The following AIDA variants were observed in gnomAD, a reference collection of about 807,000 sequenced individuals.
The protein encoded by AIDA is axin interactor, dorsalization associated, also known as axin interactor, dorsalization-associated protein.
Under a neutral mutation model 42.7 loss-of-function variants are expected in AIDA, and 18 were observed. The observed-to-expected ratio is 0.42, with a 90% CI of 0.29 to 0.63. The LOEUF (loss-of-function observed/expected upper bound fraction) is 0.63, where lower values mean the gene tolerates loss of function less well. Among genes scored for constraint, AIDA ranks in the 20% least tolerant of loss-of-function variants. AIDA has a pLI of 0.19. For synonymous variants in AIDA, 104 were observed against 122.9 expected, an observed-to-expected ratio of 0.85 and a Z score of 1.02; for missense variants, 250 against 354.1, an observed-to-expected ratio of 0.71 and a Z score of 2.36.
intron 2 of AIDA, 45 bp downstream of exon 2, chr1:222,703,103 C>T: frequency 6.7e-7 from 1 of 1,485,358 alleles, no homozygotes; most frequent in African/African-American, 1.4e-5. Flanking sequence ...AGACAAAACA[C>T]TTTTTGTTTG....
chr1:222,694,275 TA>T lies in AIDA; in HGVS notation c.181-13del. On this transcript the variant is annotated splice_polypyrimidine_tract_variant and intron_variant, in intron 2 of 9. Transcript: ENST00000340020. ...TTGCCTATGGTTTTCTGCAGGGGAA[TA>T]AAAAAAGCTATAAATACCAGAATTA... 12 of 1,605,742 alleles carry T rather than the reference TA, an allele frequency of 7.5e-6. No individual in the cohort carries two copies. The highest frequency in any genetic ancestry group is 1.7e-4 in the Middle Eastern group (1 of 6,044).
At chr1:222,694,574 T>C (rs539959033) in intron 2 of AIDA, among the ~76,000 whole-genome samples, 45 of 152,322 alleles carry the variant, frequency 3.0e-4, no homozygotes, top group Non-Finnish European at 6.0e-4. Context: ...AGCTTCACCT[T>C]TTCTTCTCCA....
chr1:222,704,692 G>C (rs983009627), intron 1 of AIDA, among the ~76,000 whole-genome samples: 1 of 152,054 alleles, frequency 6.6e-6, no homozygotes, highest in Non-Finnish European at 1.5e-5. Context: ...GGTTTCTTTC[G>C]GGAGTGATGG....
At position 222,668,073 on chromosome 1, in the gene AIDA, A is replaced by C. The variant is rs376601927; in HGVS notation, c.*1820T>G. 29 of 152,314 alleles carry C rather than the reference A, an allele frequency of 1.9e-4. No homozygotes were observed. In the East Asian group the frequency reaches 4.2e-3, roughly 22 times the overall value. The allele number at this position is 152,314 out of a possible 1,614,324, so 9.4% of individuals were successfully genotyped here. The stretch of plus-strand genomic sequence containing the variant: ...TTTGTAGTTCATATAAACTATACTT[A>C]TGTGAAGGATAGCAGATGCTTCATA... On this transcript the variant is annotated 3_prime_UTR_variant, in exon 10 of 10. Transcript: ENST00000340020.
intron 4 of AIDA, among the ~76,000 whole-genome samples, chr1:222,690,981 A>T (rs1029485296): frequency 4.6e-5 from 7 of 152,190 alleles, no homozygotes; most frequent in Non-Finnish European, 7.3e-5. Context: ...TCTCATCAGA[A>T]AAAGCAATAA....
At position 222,700,971 on chromosome 1, in the gene AIDA, T is replaced by TTGGGGGGG. The variant is rs1553295514; in HGVS notation, c.180+2176_180+2177insCCCCCCCA. The stretch of plus-strand genomic sequence containing the variant: ...GATAGACTCATTTCTTGATTTTTTT[T>TTGGGGGGG]GGGGGGGGGGGGACAGGGTCTCACT... On this transcript the variant is annotated intron_variant, in intron 2 of 9. Coordinates refer to ENST00000340020, the MANE Select transcript of AIDA (RefSeq NM_022831.4). Among the ~76,000 whole-genome samples the TTGGGGGGG allele has an allele frequency of 8.6e-5, 9 of 105,038 alleles. 3 individuals are homozygous for TTGGGGGGG. The highest frequency in any genetic ancestry group is 3.3e-4 in the African/African-American group (8 of 24,468). 68.9% of individuals were successfully genotyped at this position (105,038 alleles called of 152,430 possible).
chr1:222,699,182 C>A (rs553189481), intron 2 of AIDA, among the ~76,000 whole-genome samples: 40 of 151,892 alleles, frequency 2.6e-4, no homozygotes, highest in Admixed American at 9.2e-4. Flanking sequence ...AACTATTGAA[C>A]GGTTGGCATA....
intron 1 of AIDA, among the ~76,000 whole-genome samples, chr1:222,707,027 G>A (rs1319329995): frequency 6.6e-6 from 1 of 151,904 alleles, no homozygotes; most frequent in Non-Finnish European, 1.5e-5. Context: ...TGGGGGTGAT[G>A]GAAATTTTCT....
At chr1:222,707,376 T>G (rs943603860) in intron 1 of AIDA, among the ~76,000 whole-genome samples, 1 of 152,134 alleles carries the variant, frequency 6.6e-6, no homozygotes, top group African/African-American at 2.4e-5. Flanking sequence ...AAGGCTGGTC[T>G]TGAACTCCTG....
At chr1:222,687,119 C>CAAGATGCTGA in intron 5 of AIDA, 83 bp from the exon 6 acceptor site, 1 of 1,541,520 alleles carries the variant, frequency 6.5e-7, no homozygotes, top group Non-Finnish European at 8.8e-7. Flanking sequence ...GTTTCCCAGG[C>CAAGATGCTGA]AAGATGCTGA....
At chr1:222,688,464 C>T (rs2997814) in intron 4 of AIDA, among the ~76,000 whole-genome samples, 151,287 of 152,324 alleles carry the variant, frequency 0.99, 75,135 homozygotes, top group Middle Eastern at 1. Flanking sequence ...CATAAGATTA[C>T]AATGGAACTG....
chr1:222,694,108 C>T, intron 3 of AIDA, 102 bp downstream of exon 3: 1 of 1,111,510 alleles, frequency 9.0e-7, no homozygotes, highest in South Asian at 1.5e-5. Context: ...TTATAAAACA[C>T]TTCTGAGACA....
At chr1:222,674,159 A>G (rs928618877) in intron 7 of AIDA, among the ~76,000 whole-genome samples, 1 of 152,164 alleles carries the variant, frequency 6.6e-6, no homozygotes, top group African/African-American at 2.4e-5. Context: ...GCTTGCAGAA[A>G]GGTAAGAGGA....
chr1:222,711,824 T>C (rs1323222906), intron 1 of AIDA: 3 of 230,570 alleles, frequency 1.3e-5, no homozygotes, highest in Non-Finnish European at 2.6e-5. Flanking sequence ...TCAGAGAATT[T>C]CAAAAGGAAA....
chr1:222,674,874 T>C (rs1011049655), intron 7 of AIDA, among the ~76,000 whole-genome samples: 1 of 152,236 alleles, frequency 6.6e-6, no homozygotes, highest in Non-Finnish European at 1.5e-5. Flanking sequence ...GTTCAACATG[T>C]ATGCAAAGGT....
intron 6 of AIDA, among the ~76,000 whole-genome samples, chr1:222,676,887 C>T (rs747953170): frequency 2.3e-4 from 34 of 150,904 alleles, no homozygotes; most frequent in Non-Finnish European, 3.8e-4. Flanking sequence ...GTCTAATTTC[C>T]CATTCTTTTC....
rs544831530 is a variant in AIDA at position 222,693,792 on chromosome 1, G to T, written c.286C>A (p.Pro96Thr). Reference protein sequence around the residue: ...FKLEDLKKLEPILKNILTYNK... With the variant: ...FKLEDLKKLETILKNILTYNK... ...AAAAATATAAACTTAAACTTACTTG[G>T]TTCTAGCTTCTTCAGGTCCTCCAGT... Residue 96 changes from proline (P) to threonine (T), a missense_variant, in exon 4 of 10, where the codon CCA (proline) becomes ACA (threonine). This residue lies in a region of AIDA where 199 missense variants were observed against 232.6 expected (regional missense o/e 0.86). Transcript: ENST00000340020. 1 of 1,607,796 alleles carries T rather than the reference G, an allele frequency of 6.2e-7. No homozygotes were observed. The highest frequency in any genetic ancestry group is 8.5e-7 in the Non-Finnish European group (1 of 1,175,752).
chr1:222,701,595 T>C (rs1655705741), intron 2 of AIDA, among the ~76,000 whole-genome samples: 1 of 152,218 alleles, frequency 6.6e-6, no homozygotes, highest in South Asian at 2.1e-4. Context: ...TTACAGAGGC[T>C]CCTTTCCTTA....
chr1:222,710,572 T>C (rs72740116), intron 1 of AIDA, among the ~76,000 whole-genome samples: 468 of 152,330 alleles, frequency 3.1e-3, no homozygotes, highest in Non-Finnish European at 5.1e-3. Context: ...ATATACAGAA[T>C]GGGTATACAT....
Sources: gnomAD v4.1 joint callset for allele counts (sites outside exome capture counted in the v4.1 genomes callset) on GRCh38, gnomAD v4.1.1 for gene constraint, gnomAD v4.1.1 regional missense constraint, MANE v1.5 for transcripts, NCBI Gene and HGNC (gene_info 2026-07-23, HGNC 2026-07-21) for gene names.